Variants in BNIPL observed in about 807,000 individuals in gnomAD.
BNIPL encodes BCL2 interacting protein like, also known as bcl-2/adenovirus E1B 19 kDa-interacting protein 2-like protein.
Under a neutral mutation model 47.0 loss-of-function variants are expected in BNIPL, and 33 were observed. That is an observed-to-expected ratio of 0.70 (90% CI 0.53 to 0.94). The LOEUF (loss-of-function observed/expected upper bound fraction) is 0.94, where lower values mean the gene tolerates loss of function less well. BNIPL is among the 40% of genes least tolerant of loss of function. BNIPL has a pLI of 0.00. For missense variants in BNIPL, 404 were observed against 445.2 expected (o/e 0.91, Z 0.83); for synonymous variants, 145 against 162.7 (o/e 0.89, Z 0.83).
At position 151,038,954 on chromosome 1, in the gene BNIPL, C is replaced by A. The variant is rs766185220; in HGVS notation, c.361C>A (p.Leu121Met). Residue 121 changes from leucine (L) to methionine (M), a missense_variant, in exon 4 of 10, where the codon CTG becomes ATG. Transcript: ENST00000368931. Reference sequence around the variant, plus strand: ...TTCCTCTCCTGATGGCAGTTCTGACCTGGAGATAGACGAATTGGAGACACC... The same window carrying A: ...TTCCTCTCCTGATGGCAGTTCTGACATGGAGATAGACGAATTGGAGACACC... ...APSSPDGSSD[L>M]EIDELETPSD... The A allele has an allele frequency of 1.2e-5, 19 of 1,613,108 alleles. No homozygotes were observed. The highest frequency in any genetic ancestry group is 1.6e-5 in the Non-Finnish European group (19 of 1,179,720).
intron 4 of BNIPL, among the ~76,000 whole-genome samples, chr1:151,041,202 A>G (rs190201976): frequency 1.8e-3 from 271 of 152,144 alleles, no homozygotes; most frequent in African/African-American, 6.3e-3. Context: ...AAGGTAGAGA[A>G]GAAAGGAAAG....
Position 151,046,954 on chromosome 1 carries a change from T to C in BNIPL, c.*267T>C. Reference sequence around the variant, plus strand: ...ATTTTGTATGGGATATGCAGAGCTCTGGGTTTTTTTGTTTTTTGTTTTTTG... The same window carrying C: ...ATTTTGTATGGGATATGCAGAGCTCCGGGTTTTTTTGTTTTTTGTTTTTTG... On this transcript the variant is annotated 3_prime_UTR_variant, in exon 10 of 10. Transcript: ENST00000368931. 2.9e-6 allele frequency: 1 copy of C among 341,638 alleles called. No homozygotes were observed. Among genetic ancestry groups the C allele is most frequent in the Non-Finnish European group, 5.3e-6 (1 of 188,984 alleles). 21.2% of individuals were successfully genotyped at this position (341,638 alleles called of 1,614,324 possible). A position where few individuals can be genotyped will look rare whatever the true frequency, so the allele number is the denominator to read the frequency against.
Position 151,038,963 on chromosome 1 carries a change from G to C in BNIPL, c.370G>C (p.Asp124His). ...TGATGGCAGTTCTGACCTGGAGATA[G>C]ACGAATTGGAGACACCTTCAGACTC... ...SPDGSSDLEI[D>H]ELETPSDSEQ... Residue 124 changes from aspartate (D) to histidine (H), a missense_variant, in exon 4 of 10, where the codon GAC (aspartate) becomes CAC (histidine). Asp to His is a moderately conservative substitution (Grantham distance 81, BLOSUM62 -1). Transcript: ENST00000368931. 1 of 1,612,536 alleles carries C rather than the reference G, an allele frequency of 6.2e-7. No individual in the cohort carries two copies. The highest frequency in any genetic ancestry group is 8.5e-7 in the Non-Finnish European group (1 of 1,179,394).
At chr1:151,037,215 C>A in intron 1 of BNIPL, 1 of 521,284 alleles carries the variant, frequency 1.9e-6, no homozygotes, top group Non-Finnish European at 2.7e-6. Flanking sequence ...GCAGGCCTAA[C>A]TAGGTACCGT....
At chr1:151,045,910 T>G (rs1411725399) in intron 8 of BNIPL, 27 bp downstream of exon 8, 8 of 1,614,052 alleles carry the variant, frequency 5.0e-6, no homozygotes, top group Non-Finnish European at 6.8e-6. Flanking sequence ...CAAGGACTCC[T>G]TTCTCCTTCC....
intron 4 of BNIPL, 135 bp from the exon 5 acceptor site, chr1:151,042,821 A>AG: frequency 1.8e-6 from 1 of 565,424 alleles, no homozygotes. Context: ...CTCAAAAAAA[A>AG]GGAAAAAAAA....
At chr1:151,043,218 C>A in intron 5 of BNIPL, 80 bp downstream of exon 5, 1 of 1,537,744 alleles carries the variant, frequency 6.5e-7, no homozygotes, top group Non-Finnish European at 9.0e-7. Context: ...GTCATTGGAT[C>A]CAAAATCTAT....
rs997976772 is a variant in BNIPL at position 151,038,650 on chromosome 1, C to T, written c.202+82C>T. 2.6e-5 allele frequency: 42 copies of T among 1,586,414 alleles called. No homozygotes were observed. The Admixed American group carries it at 7.6e-4, about 29-fold the overall frequency. On this transcript the variant is annotated intron_variant, in intron 3 of 9. Coordinates refer to ENST00000368931, the MANE Select transcript of BNIPL (RefSeq NM_138278.4). ...TGCCACCTCTATCCTTTTACAGTTCCATTTCCCCCTTTTCCCAAATCTCCC... is the reference window on the plus strand; with the variant it reads ...TGCCACCTCTATCCTTTTACAGTTCTATTTCCCCCTTTTCCCAAATCTCCC...
chr1:151,045,543 A>G, intron 7 of BNIPL: 2 of 451,318 alleles, frequency 4.4e-6, no homozygotes, highest in Non-Finnish European at 3.4e-6. Flanking sequence ...CAGGCGACAG[A>G]GTGAGACTCC....
At chr1:151,046,560 C>A in intron 9 of BNIPL, 91 bp from the exon 10 acceptor site, 2 of 1,219,130 alleles carry the variant, frequency 1.6e-6, no homozygotes, top group African/African-American at 1.5e-5. Flanking sequence ...CTAGCTCTTC[C>A]AATTCACCTG....
At chr1:151,041,571 C>T (rs1375904884) in intron 4 of BNIPL, among the ~76,000 whole-genome samples, 1 of 152,132 alleles carries the variant, frequency 6.6e-6, no homozygotes, top group Non-Finnish European at 1.5e-5. Context: ...TGTACTCCAG[C>T]TTGGATAGCA....
At chr1:151,043,162 G>A (rs974491340) in intron 5 of BNIPL, 24 bp downstream of exon 5, 9 of 1,598,512 alleles carry the variant, frequency 5.6e-6, no homozygotes, top group African/African-American at 1.3e-5. Context: ...TAATGCAGGT[G>A]TTAAGAGCTA....
chr1:151,046,770 A>C lies in BNIPL; in HGVS notation c.*83A>C. The C allele has an allele frequency of 8.3e-7, 1 of 1,207,566 alleles. No homozygotes were observed. The allele number at this position is 1,207,566 out of a possible 1,614,324, so 74.8% of individuals were successfully genotyped here. A position where few individuals can be genotyped will look rare whatever the true frequency, so the allele number is the denominator to read the frequency against. On this transcript the variant is annotated 3_prime_UTR_variant, in exon 10 of 10. Transcript: ENST00000368931. The stretch of plus-strand genomic sequence containing the variant: ...CTGAAACATCTGAACTGTTTTGTAA[A>C]TCATCTTATCCCCAACCTCAGTACC...
chr1:151,040,142 C>G (rs942000952), intron 4 of BNIPL, among the ~76,000 whole-genome samples: 1 of 152,108 alleles, frequency 6.6e-6, no homozygotes. Flanking sequence ...TAAGGTATTA[C>G]GTTTGTTATG....
intron 3 of BNIPL, 52 bp downstream of exon 3, chr1:151,038,620 G>T (rs867563870): frequency 1.2e-6 from 2 of 1,600,520 alleles, no homozygotes; most frequent in African/African-American, 2.7e-5. Flanking sequence ...TCCAGTAAAG[G>T]GCTATGCCAC....
intron 4 of BNIPL, among the ~76,000 whole-genome samples, chr1:151,041,025 T>TC (rs987473559): frequency 2.1e-4 from 31 of 150,794 alleles, no homozygotes; most frequent in African/African-American, 7.3e-4. Flanking sequence ...ACAAAAAAAA[T>TC]TTTTTTTAAA....
chr1:151,037,407 A>C, intron 1 of BNIPL, 160 bp from the exon 2 acceptor site: 1 of 1,356,144 alleles, frequency 7.4e-7, no homozygotes, highest in Non-Finnish European at 9.5e-7. Context: ...TGCTTCTAGC[A>C]AGTGGTGAAG....
rs1488705820 is a variant in BNIPL, at chr1:151,038,839, C to T, written c.246C>T (p.Pro82=). Residue 82 remains proline, a synonymous_variant, in exon 4 of 10, where the codon CCC becomes CCT. Coordinates refer to ENST00000368931, the MANE Select transcript of BNIPL (RefSeq NM_138278.4). ...CTTTAGCCCTGTGTGGCCAGCGCCC[C>T]ATGCGCAAGCGTCTTTCTGCCCCAG... The part of the protein sequence containing the change: ...PSTLALCGQR[P]MRKRLSAPEL... 1 of 1,612,028 alleles carries T rather than the reference C, an allele frequency of 6.2e-7. No individual in the cohort carries two copies. The highest frequency in any genetic ancestry group is 1.7e-5 in the Admixed American group (1 of 59,586).
At position 151,046,779 on chromosome 1, in the gene BNIPL, TC is replaced by T; in HGVS notation, c.*96del. 1 of 1,100,914 alleles carries T rather than the reference TC, an allele frequency of 9.1e-7. No individual in the cohort carries two copies. The highest frequency in any genetic ancestry group is 1.3e-6 in the Non-Finnish European group (1 of 751,720). The allele number at this position is 1,100,914 out of a possible 1,614,324, so 68.2% of individuals were successfully genotyped here. On this transcript the variant is annotated 3_prime_UTR_variant, in exon 10 of 10. Transcript: ENST00000368931. ...CTGAACTGTTTTGTAAATCATCTTATCCCCAACCTCAGTACCACCGGATCTT... is the reference window on the plus strand; with the variant it reads ...CTGAACTGTTTTGTAAATCATCTTATCCCAACCTCAGTACCACCGGATCTT...
Sources: gnomAD v4.1 joint callset for allele counts (sites outside exome capture counted in the v4.1 genomes callset) on GRCh38, gnomAD v4.1.1 for gene constraint, MANE v1.5 for transcripts, NCBI Gene and HGNC (gene_info 2026-07-23, HGNC 2026-07-21) for gene names.